Variants in UNC80 observed in about 807,000 individuals in gnomAD.
The protein encoded by UNC80 is protein unc-80 homolog.
In UNC80, 164 loss-of-function variants were observed where a neutral mutation model predicts 384.6. The observed-to-expected ratio is 0.43, with a 90% CI of 0.38 to 0.49. The LOEUF (loss-of-function observed/expected upper bound fraction) is 0.49. UNC80 is among the 20% of genes least tolerant of loss of function. The pLI is 0.00. For synonymous variants in UNC80, 1,486 were observed against 1,527.8 expected, an observed-to-expected ratio of 0.97 and a Z score of 0.64; for missense variants, 3,330 against 4,143.0, an observed-to-expected ratio of 0.80 and a Z score of 5.39.
At chr2:209,887,368 T>C (rs374598686) in intron 25 of UNC80, among the ~76,000 whole-genome samples, 11 of 151,996 alleles carry the variant, frequency 7.2e-5, no homozygotes, top group African/African-American at 2.7e-4. Flanking sequence ...AAACATCGCA[T>C]CTCTCTCATC....
chr2:209,841,360 T>A (rs974904973), intron 20 of UNC80, among the ~76,000 whole-genome samples: 7 of 152,150 alleles, frequency 4.6e-5, no homozygotes, highest in Admixed American at 3.9e-4. Flanking sequence ...TTGTTGTTTT[T>A]GTTTTGTTTT....
rs759835534 is a variant in UNC80, at chr2:209,840,620, G to A, written c.3329G>A (p.Arg1110Gln). The change falls in exon 20 of 65, where the codon CGA becomes CAA. Residue 1110 changes from arginine (R) to glutamine (Q), a missense_variant. Physicochemically the swap from Arg to Gln is conservative, Grantham distance 43 (BLOSUM62 1). Transcript: ENST00000673920. ...EDLLDISSVD[R>Q]LSFIRQSSKV... ...CTCCTGGACATTAGCTCTGTGGACC[G>A]ACTCTCTTTCATCAGGCAAAGCTCC... is the stretch of plus-strand genomic sequence containing the variant. 1.2e-5 allele frequency: 19 copies of A among 1,551,880 alleles called. No homozygotes were observed. In the South Asian group the frequency reaches 1.5e-4, roughly 13 times the overall value.
chr2:209,940,550 A>G (rs749149687), intron 43 of UNC80, among the ~76,000 whole-genome samples: 40 of 152,178 alleles, frequency 2.6e-4, no homozygotes, highest in Non-Finnish European at 4.7e-4. Flanking sequence ...AAGGTGACTC[A>G]TGCCTGTAAT....
At chr2:209,808,735 G>C in intron 7 of UNC80, 1 of 224,412 alleles carries the variant, frequency 4.5e-6, no homozygotes, top group Non-Finnish European at 8.9e-6. Flanking sequence ...TTGCTCCAAG[G>C]CTCGGCCTAG....
At chr2:209,829,407 G>T in intron 15 of UNC80, 28 bp downstream of exon 15, 1 of 1,550,424 alleles carries the variant, frequency 6.4e-7, no homozygotes, top group South Asian at 1.2e-5. Context: ...CAAGTTCTAG[G>T]AGAAGTCGTT....
chr2:209,891,008 C>A, intron 26 of UNC80, among the ~76,000 whole-genome samples: 1 of 148,482 alleles, frequency 6.7e-6, no homozygotes, highest in East Asian at 1.9e-4. Context: ...AGAACATCTG[C>A]ACATTTGCTA....
intron 13 of UNC80, among the ~76,000 whole-genome samples, chr2:209,822,521 G>A (rs1486026765): frequency 6.6e-6 from 1 of 151,984 alleles, no homozygotes; most frequent in Admixed American, 6.6e-5. Context: ...TAGAAGTGGT[G>A]TTTTGCCCAT....
chr2:209,857,675 A>C (rs2083036760), intron 22 of UNC80, among the ~76,000 whole-genome samples: 1 of 152,106 alleles, frequency 6.6e-6, no homozygotes, highest in Non-Finnish European at 1.5e-5. Flanking sequence ...CTCTATTGTA[A>C]ACTAAGAACT....
chr2:209,964,905 AAG>A (rs1422988752), intron 51 of UNC80, among the ~76,000 whole-genome samples: 1 of 152,154 alleles, frequency 6.6e-6, no homozygotes, highest in African/African-American at 2.4e-5. Context: ...TGTTAAAAAA[AAG>A]TAATTATGAG....
Position 209,992,175 on chromosome 2 carries a change from T to C in UNC80, c.9324T>C (p.Ser3108=), listed in dbSNP as rs1287668710. 6.4e-7 allele frequency: 1 copy of C among 1,551,556 alleles called. No homozygotes were observed. The highest frequency in any genetic ancestry group is 1.2e-5 in the South Asian group (1 of 84,054). ...AAEGSLSRVA[S]IQSEPGQQNL... Reference sequence around the variant, plus strand: ...TGTTGATGCTTGGCAGGGTGGCAAGTATACAGAGTGAACCTGGTCAACAGA... The same window carrying C: ...TGTTGATGCTTGGCAGGGTGGCAAGCATACAGAGTGAACCTGGTCAACAGA... The change falls in exon 62 of 65, where the codon AGT becomes AGC. Residue 3108 remains serine (S), a synonymous_variant. Coordinates refer to ENST00000673920, the MANE Select transcript of UNC80 (RefSeq NM_001371986.1).
chr2:209,876,500 T>C lies in UNC80; in HGVS notation c.3841-1454T>C, dbSNP rs116613573. Among the ~76,000 whole-genome samples, 884 of 152,318 alleles carry C rather than the reference T, an allele frequency of 5.8e-3. 9 individuals carry two copies. The highest frequency in any genetic ancestry group is 0.021 in the African/African-American group (858 of 41,564). On this transcript the variant is annotated intron_variant, in intron 23 of 64. Transcript: ENST00000673920. ...GACATATAGTATTACACCAGACAAG[T>C]TCATTTTTTGAGCAGCCCTTTAAGC...
At chr2:209,867,256 A>T (rs1032530592) in intron 22 of UNC80, among the ~76,000 whole-genome samples, 1 of 152,160 alleles carries the variant, frequency 6.6e-6, no homozygotes, top group Non-Finnish European at 1.5e-5. Flanking sequence ...GGAGCTAAGG[A>T]ATTTATTTTA....
intron 63 of UNC80, among the ~76,000 whole-genome samples, 200 bp from the exon 64 acceptor site, chr2:209,993,865 T>G (rs988962413): frequency 6.6e-6 from 1 of 152,230 alleles, no homozygotes; most frequent in Non-Finnish European, 1.5e-5. Context: ...AAATGATTTT[T>G]CTACGTAAGT....
intron 15 of UNC80, among the ~76,000 whole-genome samples, chr2:209,830,315 G>A (rs1051401626): frequency 6.6e-6 from 1 of 152,112 alleles, no homozygotes; most frequent in African/African-American, 2.4e-5. Context: ...TAGCAGAGTT[G>A]TTTTAAACCA....
At chr2:209,879,924 A>C (rs2085134462) in intron 24 of UNC80, among the ~76,000 whole-genome samples, 1 of 152,236 alleles carries the variant, frequency 6.6e-6, no homozygotes, top group Admixed American at 6.5e-5. Flanking sequence ...CCTATTTTCA[A>C]ATGAAATCGT....
In UNC80 at chr2:209,872,913, C is replaced by G; in HGVS notation, c.3783C>G (p.Asn1261Lys). ...GGGGACGCTCTCCCATTGTGGGCAA[C>G]AAGCGAAACCAGAAGCTGCAGTGGA... ...LSRGRSPIVG[N>K]KRNQKLQWNA... Residue 1261 changes from asparagine to lysine, a missense_variant, in exon 23 of 65, where the codon AAC becomes AAG. Around this residue, in one of 8 missense-constraint regions of UNC80, gnomAD observed 801 missense variants for 950.8 expected, o/e 0.84. Transcript: ENST00000673920. This position sits in a 1 kb window ranked among gnomAD's most constrained non-coding sequence, Gnocchi z 4.1. 6.4e-7 allele frequency: 1 copy of G among 1,551,620 alleles called. No homozygotes were observed. The highest frequency in any genetic ancestry group is 8.7e-7 in the Non-Finnish European group (1 of 1,146,964).
intron 23 of UNC80, among the ~76,000 whole-genome samples, chr2:209,876,791 A>G (rs1159286869): frequency 6.6e-6 from 1 of 152,148 alleles, no homozygotes; most frequent in East Asian, 1.9e-4. Context: ...AATCCCACAT[A>G]CTGCATTCTC....
At chr2:209,959,832 G>C in intron 51 of UNC80, 125 bp downstream of exon 51, 7 of 860,954 alleles carry the variant, frequency 8.1e-6, no homozygotes, top group Non-Finnish European at 1.2e-5. Flanking sequence ...ATTTGTTTCC[G>C]GTGACTTAGG....
intron 9 of UNC80, 116 bp from the exon 10 acceptor site, chr2:209,816,793 G>A (rs1322767699): frequency 1.1e-6 from 1 of 898,892 alleles, no homozygotes; most frequent in Non-Finnish European, 1.7e-6. Flanking sequence ...GACTTTCTGG[G>A]TCTTCTCTTC....
Sources: gnomAD v4.1 joint callset for allele counts (sites outside exome capture counted in the v4.1 genomes callset) on GRCh38, gnomAD v4.1.1 for gene constraint, gnomAD v4.1.1 regional missense constraint, Gnocchi (gnomAD v3.1) non-coding constraint, MANE v1.5 for transcripts, NCBI Gene and HGNC (gene_info 2026-07-23, HGNC 2026-07-21) for gene names.